HIC2: variants seen among roughly 807,000 people sequenced by gnomAD.
The protein encoded by HIC2 is hypermethylated in cancer 2 protein.
HIC2 carries 2 observed loss-of-function variants against 39.5 expected under a neutral mutation model. The ratio of observed to expected loss-of-function variants is 0.05; its 90% CI spans 0.02 to 0.16. The LOEUF (loss-of-function observed/expected upper bound fraction) is 0.16, where lower values mean the gene tolerates loss of function less well. Among genes scored for constraint, HIC2 ranks in the 10% least tolerant of loss-of-function variants. The probability of loss-of-function intolerance (pLI) is 1.00; values close to 1 mark genes in which losing one functional copy is unlikely to be tolerated. For synonymous variants in HIC2, 399 were observed against 368.8 expected (o/e 1.08, Z -0.94); for missense variants, 713 against 863.5 (o/e 0.83, Z 2.18).
chr22:21,432,375 C>G (rs1923346300), intron 1 of HIC2, among the ~76,000 whole-genome samples: 1 of 88,036 alleles, frequency 1.1e-5, no homozygotes, highest in Non-Finnish European at 2.2e-5. Context: ...ACCCCTTCTC[C>G]TTTAGAAGTG....
At position 21,446,575 on chromosome 22, in the gene HIC2, C is replaced by G. The variant is rs750150985; in HGVS notation, c.1680C>G (p.Pro560=). The G allele has an allele frequency of 6.2e-7, 1 of 1,613,578 alleles. No homozygotes were observed. Among genetic ancestry groups the G allele is most frequent in the East Asian group, 2.2e-5 (1 of 44,880 alleles). The part of the protein sequence containing the change: ...RHMRSHLGLK[P]FACDECGMRF... ...TGCGGAGCCACCTGGGCCTGAAGCC[C>G]TTCGCCTGCGATGAGTGTGGCATGC... Residue 560 remains proline (P), a synonymous_variant, in exon 3 of 3, where the codon CCC becomes CCG. Transcript: ENST00000407464.
chr22:21,446,434 C>A lies in HIC2; in HGVS notation c.1539C>A (p.Thr513=), dbSNP rs1923845852. ...RPFKCSVCEK[T]YKDPATLRQH... ...TCAAGTGTTCGGTCTGCGAGAAGAC[C>A]TACAAGGACCCAGCCACGCTGCGGC... Residue 513 remains threonine, a synonymous_variant, in exon 3 of 3, where the codon ACC becomes ACA. Coordinates refer to ENST00000407464, the MANE Select transcript of HIC2 (RefSeq NM_015094.3). The A allele has an allele frequency of 1.2e-6, 2 of 1,612,022 alleles. No homozygotes were observed.
At position 21,445,941 on chromosome 22, in the gene HIC2, C is replaced by G. The variant is rs536925478; in HGVS notation, c.1046C>G (p.Pro349Arg). Residue 349 changes from proline (P) to arginine (R), a missense_variant, in exon 3 of 3, where the codon CCC becomes CGC. Physicochemically the swap from Pro to Arg is moderately radical, Grantham distance 103. Coordinates refer to ENST00000407464, the MANE Select transcript of HIC2 (RefSeq NM_015094.3). ...AAGAAGGAGCCTGTGGCTGGCTCCC[C>G]CTTTGAGCGGAGAGAAGCAGGGCCC... Reference protein sequence around the residue: ...WGKKEPVAGSPFERREAGPKG... With the variant: ...WGKKEPVAGSRFERREAGPKG... 94 of 1,578,882 alleles carry G rather than the reference C, an allele frequency of 6.0e-5. No homozygotes were observed. The highest frequency in any genetic ancestry group is 3.6e-4 in the Admixed American group (19 of 53,222).
At chr22:21,425,736 G>T (rs1345919874) in intron 1 of HIC2, among the ~76,000 whole-genome samples, 3 of 137,488 alleles carry the variant, frequency 2.2e-5, no homozygotes, top group Admixed American at 7.4e-5. Context: ...TTTTTGAGAC[G>T]GAGTCTTTCC....
At chr22:21,417,705 C>T (rs1488389074) in intron 1 of HIC2, 145 bp downstream of exon 1, 2 of 144,896 alleles carry the variant, frequency 1.4e-5, no homozygotes, top group African/African-American at 5.0e-5. Flanking sequence ...GCGCTAGCGT[C>T]TGGCGGGCCT....
At chr22:21,425,567 A>G (rs1409877984) in intron 1 of HIC2, among the ~76,000 whole-genome samples, 7 of 30,984 alleles carry the variant, frequency 2.3e-4, no homozygotes, top group African/African-American at 4.3e-4. Context: ...TTTGAGACGG[A>G]GTCTTGCCCT....
rs1188375652 is a variant in HIC2, at chr22:21,450,382, C to T, written c.*3639C>T. 1 of 153,016 alleles carries T rather than the reference C, an allele frequency of 6.5e-6. No individual in the cohort carries two copies. Among genetic ancestry groups the T allele is most frequent in the Non-Finnish European group, 1.5e-5 (1 of 68,212 alleles). The allele number at this position is 153,016 out of a possible 1,614,324, so 9.5% of individuals were successfully genotyped here. A position where few individuals can be genotyped will look rare whatever the true frequency, so the allele number is the denominator to read the frequency against. ...AGCCCTGTGTGTTTACCGTTCATCACCACTCGGGGGCACCGGGCCGCCCAC... is the reference window on the plus strand; with the variant it reads ...AGCCCTGTGTGTTTACCGTTCATCATCACTCGGGGGCACCGGGCCGCCCAC... On this transcript the variant is annotated 3_prime_UTR_variant, in exon 3 of 3. Coordinates refer to ENST00000407464, the MANE Select transcript of HIC2 (RefSeq NM_015094.3).
intron 1 of HIC2, among the ~76,000 whole-genome samples, chr22:21,432,733 A>G (rs1163022838): frequency 3.5e-5 from 5 of 141,626 alleles, no homozygotes; most frequent in East Asian, 4.0e-4. Flanking sequence ...AAACATTATC[A>G]GGTTTTTATC....
Position 21,445,849 on chromosome 22 carries a change from G to T in HIC2, c.954G>T (p.Leu318=). Residue 318 remains leucine (L), a synonymous_variant, in exon 3 of 3, where the codon CTG becomes CTT. Transcript: ENST00000407464. Reference sequence around the variant, plus strand: ...GGGCCGAGGACAACCACCTGAGCCTGCTGGAGGCGCCTGGTGGGCAGCCTC... The same window carrying T: ...GGGCCGAGGACAACCACCTGAGCCTTCTGGAGGCGCCTGGTGGGCAGCCTC... ...LEGAEDNHLS[L]LEAPGGQPRK... The T allele has an allele frequency of 6.3e-7, 1 of 1,591,682 alleles. No homozygotes were observed. The highest frequency in any genetic ancestry group is 8.5e-7 in the Non-Finnish European group (1 of 1,169,768).
intron 1 of HIC2, among the ~76,000 whole-genome samples, chr22:21,425,514 A>G (rs1333263412): frequency 8.1e-5 from 11 of 135,374 alleles, no homozygotes; most frequent in South Asian, 2.4e-4. Context: ...GATTACAGGC[A>G]CCCGCCACCA....
In HIC2 at chr22:21,447,238, G is replaced by A. The variant is rs1452567483; in HGVS notation, c.*495G>A. On this transcript the variant is annotated 3_prime_UTR_variant, in exon 3 of 3. Transcript: ENST00000407464. ...TGCAGATCCCTCCCTCCTTGAGCCA[G>A]GGTGGCACTGTTCACTGGCGCTGGG... 6.1e-6 allele frequency: 1 copy of A among 163,998 alleles called. No homozygotes were observed. The highest frequency in any genetic ancestry group is 1.3e-5 in the Non-Finnish European group (1 of 74,700). 10.2% of individuals were successfully genotyped at this position (163,998 alleles called of 1,614,324 possible). A position where few individuals can be genotyped will look rare whatever the true frequency, so the allele number is the denominator to read the frequency against.
At position 21,449,982 on chromosome 22, in the gene HIC2, G is replaced by A. The variant is rs1247674606; in HGVS notation, c.*3239G>A. 1 of 152,706 alleles carries A rather than the reference G, an allele frequency of 6.5e-6. No homozygotes were observed. Among genetic ancestry groups the A allele is most frequent in the Admixed American group, 6.5e-5 (1 of 15,290 alleles). The allele number at this position is 152,706 out of a possible 1,614,324, so 9.5% of individuals were successfully genotyped here. A position where few individuals can be genotyped will look rare whatever the true frequency, so the allele number is the denominator to read the frequency against. ...ACCTTTGCGCAGCTCTGTCGACTCT[G>A]GTGGGTCCCCACTCCTGGGGCCCCC... On this transcript the variant is annotated 3_prime_UTR_variant, in exon 3 of 3. Transcript: ENST00000407464.
chr22:21,444,075 C>T (rs1253663856), intron 2 of HIC2, among the ~76,000 whole-genome samples: 1 of 152,236 alleles, frequency 6.6e-6, no homozygotes, highest in Non-Finnish European at 1.5e-5. Context: ...GCTGCATAAG[C>T]AGGAACACAC....
intron 2 of HIC2, among the ~76,000 whole-genome samples, chr22:21,443,996 C>T (rs888523551): frequency 5.3e-5 from 8 of 152,228 alleles, no homozygotes; most frequent in African/African-American, 9.6e-5. Context: ...TGGTCCATGG[C>T]AGAGGAGGCT....
At chr22:21,451,463 ACT>A (rs933678067), downstream of HIC2, 3 of 151,628 alleles carry the variant, frequency 2.0e-5, no homozygotes, top group Non-Finnish European at 4.4e-5. Flanking sequence ...TTGATTGAAA[ACT>A]CTGGTGTGGG....
rs368724367 is a variant in HIC2, at chr22:21,443,613, G to A, written c.26+756G>A. Reference sequence around the variant, plus strand: ...TGTGGGCCCCGCTGCTCGGTTGTCCGTCAGCCATGAGGAAAGTTCATGTTT... The same window carrying A: ...TGTGGGCCCCGCTGCTCGGTTGTCCATCAGCCATGAGGAAAGTTCATGTTT... On this transcript the variant is annotated intron_variant, in intron 2 of 2. Transcript: ENST00000407464. Among the ~76,000 whole-genome samples the A allele has an allele frequency of 4.4e-4, 67 of 152,266 alleles. No individual in the cohort carries two copies. The South Asian group carries it at 0.012, about 27-fold the overall frequency.
At chr22:21,425,644 G>T (rs1312609742) in intron 1 of HIC2, among the ~76,000 whole-genome samples, 8 of 112,730 alleles carry the variant, frequency 7.1e-5, no homozygotes, top group African/African-American at 2.7e-4. Context: ...GGGTTCAAGC[G>T]ATTCTCCTAC....
intron 2 of HIC2, 80 bp from the exon 3 acceptor site, chr22:21,444,842 C>T (rs555558063): frequency 3.1e-5 from 46 of 1,499,240 alleles, no homozygotes; most frequent in East Asian, 4.5e-5. Context: ...CCCTTTGCCT[C>T]GTCGAGCCCC....
Position 21,447,548 on chromosome 22 carries a change from A to G in HIC2, c.*805A>G, listed in dbSNP as rs978155313. ...CAGGCCCCAGAAGCCCTTCTTGCCC[A>G]AAGGCTTCCCTGGTCCCTGAGCCCT... is the stretch of plus-strand genomic sequence containing the variant. On this transcript the variant is annotated 3_prime_UTR_variant, in exon 3 of 3. Coordinates refer to ENST00000407464, the MANE Select transcript of HIC2 (RefSeq NM_015094.3). 1 of 152,614 alleles carries G rather than the reference A, an allele frequency of 6.6e-6. No homozygotes were observed. 9.5% of individuals were successfully genotyped at this position (152,614 alleles called of 1,614,324 possible).
Sources: gnomAD v4.1 joint callset for allele counts (sites outside exome capture counted in the v4.1 genomes callset) on GRCh38, gnomAD v4.1.1 for gene constraint, MANE v1.5 for transcripts, NCBI Gene and HGNC (gene_info 2026-07-23, HGNC 2026-07-21) for gene names.